CNTNAP5: variants seen among roughly 807,000 people sequenced by gnomAD.
CNTNAP5 encodes contactin associated protein family member 5, also known as contactin-associated protein-like 5.
In CNTNAP5, 72 loss-of-function variants were observed where a neutral mutation model predicts 150.2. The observed-to-expected ratio is 0.48, with a 90% CI of 0.40 to 0.58. The LOEUF is 0.58. Ranked by LOEUF, CNTNAP5 falls within the 20% of genes least tolerant of loss-of-function variation. The pLI is 0.00. For missense variants in CNTNAP5, 1,636 were observed against 1,626.2 expected, an observed-to-expected ratio of 1.01 and a Z score of -0.10; for synonymous variants, 672 against 619.8, an observed-to-expected ratio of 1.08 and a Z score of -1.25.
In CNTNAP5 at chr2:124,362,244, A is replaced by T. The variant is rs895840887; in HGVS notation, c.382-55199A>T. 2.6e-5 allele frequency among the ~76,000 whole-genome samples: 4 copies of T among 152,236 alleles called. 1 individual carries two copies. The highest frequency in any genetic ancestry group is 1.3e-4 in the Admixed American group (2 of 15,286). ...TAGTGAGATGAACCCGGTACGTCACATGGAAATGCAGAAATCACCCGTCTT... is the reference window on the plus strand; with the variant it reads ...TAGTGAGATGAACCCGGTACGTCACTTGGAAATGCAGAAATCACCCGTCTT... On this transcript the variant is annotated intron_variant, in intron 3 of 23. Transcript: ENST00000682447.
intron 11 of CNTNAP5, among the ~76,000 whole-genome samples, chr2:124,595,295 A>C (rs1452890251): frequency 8.0e-6 from 1 of 125,408 alleles, no homozygotes. Context: ...AGCTCTTATT[A>C]TTTTGAAATA....
intron 22 of CNTNAP5, among the ~76,000 whole-genome samples, chr2:124,905,127 T>TA (rs1553454292): frequency 2.0e-5 from 1 of 50,384 alleles, no homozygotes; most frequent in African/African-American, 7.3e-5. Context: ...TTTTTTTTTG[T>TA]TTTTTTTTTT....
intron 10 of CNTNAP5, among the ~76,000 whole-genome samples, chr2:124,536,512 G>T (rs963949382): frequency 6.6e-6 from 1 of 152,084 alleles, no homozygotes; most frequent in Non-Finnish European, 1.5e-5. Context: ...ACGTTGTTCG[G>T]TGATCGCCGT....
At chr2:124,776,898 C>G (rs1437691976) in intron 17 of CNTNAP5, among the ~76,000 whole-genome samples, 3 of 151,814 alleles carry the variant, frequency 2.0e-5, no homozygotes. Context: ...CTACTATTCC[C>G]CCATAAAAGT....
intron 1 of CNTNAP5, among the ~76,000 whole-genome samples, chr2:124,167,728 G>A (rs1444681136): frequency 6.6e-6 from 1 of 152,180 alleles, no homozygotes; most frequent in African/African-American, 2.4e-5. Context: ...CAGTGTGAGA[G>A]GGCCAGCCCA....
chr2:124,250,147 A>G (rs1389187761), intron 3 of CNTNAP5, among the ~76,000 whole-genome samples: 1 of 152,120 alleles, frequency 6.6e-6, no homozygotes, highest in East Asian at 1.9e-4. Context: ...ATGATCTGTA[A>G]AGGAGAGATT....
chr2:124,112,833 G>C (rs1041824347), intron 1 of CNTNAP5, among the ~76,000 whole-genome samples: 2 of 151,966 alleles, frequency 1.3e-5, no homozygotes, highest in Non-Finnish European at 2.9e-5. Flanking sequence ...GTATCATTTT[G>C]TGTTTCATTT....
chr2:124,787,435 G>A (rs1001440742), intron 17 of CNTNAP5, among the ~76,000 whole-genome samples: 1 of 152,200 alleles, frequency 6.6e-6, no homozygotes, highest in Admixed American at 6.5e-5. Context: ...CTCCTGGCCT[G>A]CTTGGGTATC....
intron 3 of CNTNAP5, among the ~76,000 whole-genome samples, chr2:124,324,995 A>G (rs1048331846): frequency 2.0e-5 from 3 of 152,224 alleles, no homozygotes; most frequent in African/African-American, 7.2e-5. Context: ...TAAAGGAGAC[A>G]GAGTTATTCA....
At chr2:124,866,467 A>C (rs966357283) in intron 20 of CNTNAP5, among the ~76,000 whole-genome samples, 5 of 152,144 alleles carry the variant, frequency 3.3e-5, no homozygotes, top group Non-Finnish European at 5.9e-5. Context: ...GGAAGCAGGC[A>C]CAGGTGATAC....
intron 3 of CNTNAP5, among the ~76,000 whole-genome samples, chr2:124,392,687 C>CA (rs35107442): frequency 0.13 from 8,378 of 65,840 alleles, 143 homozygotes; most frequent in East Asian, 0.26. Flanking sequence ...TTTTCTTTGC[C>CA]AAAAAAAAAA....
chr2:124,858,034 A>G (rs907497661), intron 19 of CNTNAP5, among the ~76,000 whole-genome samples: 1 of 152,182 alleles, frequency 6.6e-6, no homozygotes, highest in South Asian at 2.1e-4. Flanking sequence ...TCAATAAATT[A>G]GGTATTGATG....
In CNTNAP5 at chr2:124,892,979, G is replaced by A. The variant is rs553598508; in HGVS notation, c.3437-9903G>A. Among the ~76,000 whole-genome samples, 18 of 152,292 alleles carry A rather than the reference G, an allele frequency of 1.2e-4. No individual in the cohort carries two copies. In the Middle Eastern group the frequency reaches 0.014, roughly 115 times the overall value. ...AACAACTTGTTTCATTAGGAAGGAA[G>A]GGTGTTTGACTCTCTGGGATGGGCA... On this transcript the variant is annotated intron_variant, in intron 21 of 23. Transcript: ENST00000682447.
intron 20 of CNTNAP5, among the ~76,000 whole-genome samples, chr2:124,867,451 T>G (rs1038013374): frequency 1.3e-5 from 2 of 152,212 alleles, no homozygotes; most frequent in Non-Finnish European, 2.9e-5. Context: ...TGTGCTTACC[T>G]GGCAAAATCC....
intron 19 of CNTNAP5, among the ~76,000 whole-genome samples, 180 bp from the exon 20 acceptor site, chr2:124,865,126 A>T (rs1677604247): frequency 6.6e-6 from 1 of 152,032 alleles, no homozygotes; most frequent in Admixed American, 6.6e-5. Context: ...CTATTTTTGC[A>T]GCTCTCTTCA....
intron 17 of CNTNAP5, among the ~76,000 whole-genome samples, chr2:124,786,843 A>T (rs1161265876): frequency 1.3e-5 from 2 of 152,196 alleles, no homozygotes; most frequent in African/African-American, 2.4e-5. Context: ...TTAAAAAATT[A>T]TTCTCTTTAT....
chr2:124,101,535 A>G (rs1683062366), intron 1 of CNTNAP5, among the ~76,000 whole-genome samples: 1 of 152,228 alleles, frequency 6.6e-6, no homozygotes, highest in Non-Finnish European at 1.5e-5. Context: ...AAGGTGGTTT[A>G]GGAATTTACA....
At chr2:124,655,983 GAAAGAAAGAAAGAAAA>G (rs1470990703) in intron 13 of CNTNAP5, among the ~76,000 whole-genome samples, 2 of 129,602 alleles carry the variant, frequency 1.5e-5, no homozygotes, top group Non-Finnish European at 3.2e-5. Context: ...AAGAAAGAAA[GAAAGAAAGAAAGAAAA>G]AAGGAAGGAA....
chr2:124,856,075 G>GGTGTGT lies in CNTNAP5; in HGVS notation c.3218-9198_3218-9193dup, dbSNP rs56676705. ...TTCTTATGGCTGAGTAATAGTCCATGGTGTGTGTGTGTGTGTGTGTGTGTG... is the reference window on the plus strand; with the variant it reads ...TTCTTATGGCTGAGTAATAGTCCATGGTGTGTGTGTGTGTGTGTGTGTGTGTGTGTG... On this transcript the variant is annotated intron_variant, in intron 19 of 23. Coordinates refer to ENST00000682447, the MANE Select transcript of CNTNAP5 (RefSeq NM_001367498.1). 6.5e-3 allele frequency among the ~76,000 whole-genome samples: 935 copies of GGTGTGT among 144,310 alleles called. 6 individuals carry two copies. The highest frequency in any genetic ancestry group is 0.013 in the Admixed American group (182 of 14,254). The allele number at this position is 144,310 out of a possible 152,430, so 94.7% of individuals were successfully genotyped here. A position where few individuals can be genotyped will look rare whatever the true frequency, so the allele number is the denominator to read the frequency against.
Sources: gnomAD v4.1 joint callset for allele counts (sites outside exome capture counted in the v4.1 genomes callset) on GRCh38, gnomAD v4.1.1 for gene constraint, MANE v1.5 for transcripts, NCBI Gene and HGNC (gene_info 2026-07-23, HGNC 2026-07-21) for gene names.